The following HSP90AA1 variants were observed in gnomAD, a reference collection of about 807,000 sequenced individuals.
The protein encoded by HSP90AA1 is heat shock protein 90 alpha family class A member 1.
A neutral mutation model predicts 73.3 loss-of-function variants in HSP90AA1; 18 were observed. The observed-to-expected ratio is 0.25, with a 90% CI of 0.17 to 0.36. The LOEUF is 0.36. Among genes scored for constraint, HSP90AA1 ranks in the 10% least tolerant of loss-of-function variants. The probability of loss-of-function intolerance (pLI) is 1.00; values close to 1 mark genes in which losing one functional copy is unlikely to be tolerated. For missense variants in HSP90AA1, 704 were observed against 874.2 expected (o/e 0.81, Z 2.45); for synonymous variants, 477 against 296.9 (o/e 1.61, Z -6.24).
chr14:102,084,601 A>AT, intron 5 of HSP90AA1, 37 bp from the exon 6 acceptor site: 6 of 1,614,230 alleles, frequency 3.7e-6, no homozygotes, highest in Non-Finnish European at 5.1e-6. Flanking sequence ...CCAATGAACA[A>AT]TGCATTATAG....
chr14:102,085,080 G>T, intron 4 of HSP90AA1, 82 bp from the exon 5 acceptor site: 1 of 1,606,446 alleles, frequency 6.2e-7, no homozygotes, highest in Admixed American at 1.7e-5. Context: ...TCAACCTAAG[G>T]CCCAAGTCTA....
intron 6 of HSP90AA1, 180 bp from the exon 7 acceptor site, chr14:102,084,163 G>A (rs1021404049): frequency 4.8e-5 from 33 of 687,154 alleles, no homozygotes; most frequent in African/African-American, 7.2e-5. Flanking sequence ...TCTGCCTCCC[G>A]GGGGGGTTCA....
intron 2 of HSP90AA1, among the ~76,000 whole-genome samples, chr14:102,097,122 G>A (rs2152618168): frequency 6.6e-6 from 1 of 152,146 alleles, no homozygotes; most frequent in East Asian, 1.9e-4. Context: ...GAATAGCTGG[G>A]ATTATAGGCG....
intron 2 of HSP90AA1, among the ~76,000 whole-genome samples, chr14:102,096,223 G>C (rs1348569313): frequency 6.6e-6 from 1 of 152,178 alleles, no homozygotes; most frequent in African/African-American, 2.4e-5. Flanking sequence ...GGAGAAAAGG[G>C]AGGTAGGGGT....
chr14:102,120,499 A>T (rs983683851), intron 1 of HSP90AA1, among the ~76,000 whole-genome samples: 1 of 152,170 alleles, frequency 6.6e-6, no homozygotes, highest in African/African-American at 2.4e-5. Context: ...CTTTTGACAC[A>T]CATAAGAAAT....
At position 102,083,919 on chromosome 14, in the gene HSP90AA1, T is replaced by C. The variant is rs1204638479; in HGVS notation, c.1212A>G (p.Gln404=). ...LPLNISREML[Q]QSKILKVIRK... The stretch of plus-strand genomic sequence containing the variant: ...TGATAACTTTCAAAATTTTGCTTTG[T>C]TGCAACATCTCACGGGATATGTTTA... The change falls in exon 7 of 11, where the codon CAA becomes CAG. Residue 404 remains glutamine (Q), a synonymous_variant. Coordinates refer to ENST00000216281, the MANE Select transcript of HSP90AA1 (RefSeq NM_005348.4). 2.5e-6 allele frequency: 4 copies of C among 1,614,086 alleles called. No individual in the cohort carries two copies. Among genetic ancestry groups the C allele is most frequent in the Admixed American group, 3.3e-5 (2 of 60,014 alleles).
At chr14:102,084,271 C>T (rs577379654) in intron 6 of HSP90AA1, 128 bp downstream of exon 6, 14 of 864,724 alleles carry the variant, frequency 1.6e-5, no homozygotes, top group Non-Finnish European at 2.7e-5. Context: ...GTCTTGAACT[C>T]CTGACCTCAA....
chr14:102,086,512 G>C, intron 1 of HSP90AA1, 134 bp from the exon 2 acceptor site: 1 of 1,015,146 alleles, frequency 9.9e-7, no homozygotes, highest in Middle Eastern at 2.0e-4. Flanking sequence ...AAAATAGAAG[G>C]GCGGCTGACA....
At chr14:102,105,610 A>G (rs190014121) in intron 1 of HSP90AA1, among the ~76,000 whole-genome samples, 11 of 152,290 alleles carry the variant, frequency 7.2e-5, no homozygotes, top group African/African-American at 2.6e-4. Context: ...GAGGGCTTGC[A>G]AGGGAGACAG....
chr14:102,082,974 T>G, intron 9 of HSP90AA1, 60 bp downstream of exon 9: 4 of 1,526,940 alleles, frequency 2.6e-6, no homozygotes, highest in Non-Finnish European at 3.6e-6. Context: ...GGGCTATGTA[T>G]GACTAAGCTT....
chr14:102,085,251 A>T (rs773019168), intron 4 of HSP90AA1, 47 bp downstream of exon 4: 1 of 1,587,852 alleles, frequency 6.3e-7, no homozygotes, highest in Admixed American at 1.7e-5. Context: ...CAGTCACCCC[A>T]ATCACCTACA....
At position 102,083,283 on chromosome 14, in the gene HSP90AA1, T is replaced by A; in HGVS notation, c.1506A>T (p.Val502=). 6.2e-7 allele frequency: 1 copy of A among 1,614,220 alleles called. No individual in the cohort carries two copies. The highest frequency in any genetic ancestry group is 8.5e-7 in the Non-Finnish European group (1 of 1,180,022). The change falls in exon 9 of 11, where the codon GTA becomes GTT. Residue 502 remains valine, a synonymous_variant. Coordinates refer to ENST00000216281, the MANE Select transcript of HSP90AA1 (RefSeq NM_005348.4). ...YYITGETKDQ[V]ANSAFVERLR... is the part of the protein sequence containing the mutation. The stretch of plus-strand genomic sequence containing the variant: ...GACGTTCCACAAAGGCTGAGTTAGC[T>A]ACCTGGTCCTTGGTCTCACCTGAGG...
At chr14:102,094,527 G>A (rs1255759246) in intron 2 of HSP90AA1, among the ~76,000 whole-genome samples, 1 of 152,186 alleles carries the variant, frequency 6.6e-6, no homozygotes, top group Non-Finnish European at 1.5e-5. Flanking sequence ...TGGGGAGGGA[G>A]TGTGGGGAAG....
chr14:102,138,158 G>T (rs1437233073), intron 1 of HSP90AA1, among the ~76,000 whole-genome samples: 1 of 152,130 alleles, frequency 6.6e-6, no homozygotes, highest in Non-Finnish European at 1.5e-5. Flanking sequence ...GAAATACAAT[G>T]TTATGGTTAA....
chr14:102,085,222 A>G (rs903996453), intron 4 of HSP90AA1, 76 bp downstream of exon 4: 5 of 1,500,352 alleles, frequency 3.3e-6, no homozygotes, highest in South Asian at 1.1e-5. Context: ...GAACAGATCT[A>G]GGGACTAAGG....
chr14:102,131,088 C>T (rs139990628), intron 1 of HSP90AA1, among the ~76,000 whole-genome samples: 2 of 152,226 alleles, frequency 1.3e-5, no homozygotes, highest in Non-Finnish European at 2.9e-5. Flanking sequence ...AGACCTCTTT[C>T]CAGACTTGAT....
At chr14:102,139,343 T>C in exon 1 of HSP90AA1, 1 of 1,612,412 alleles carries the variant, frequency 6.2e-7, no homozygotes, top group Non-Finnish European at 8.5e-7. Context: ...GGCGGGACAG[T>C]CCCTGTCCCG....
intron 1 of HSP90AA1, among the ~76,000 whole-genome samples, chr14:102,126,307 G>A (rs570354229): frequency 9.2e-5 from 14 of 152,286 alleles, no homozygotes; most frequent in Admixed American, 7.2e-4. Flanking sequence ...AAGGGGACAC[G>A]TGGACATGGA....
In HSP90AA1 at chr14:102,139,120, G is replaced by T. The variant is rs142345995; in HGVS notation, c.155+130C>A. On this transcript the variant is annotated intron_variant, in intron 1 of 11. Coordinates refer to the HSP90AA1 transcript ENST00000334701. ...AAACCTCCGCTAAGAAGCGGAGGCCGCCAGTGCTCATCACACGCAGGAATT... is the reference window on the plus strand; with the variant it reads ...AAACCTCCGCTAAGAAGCGGAGGCCTCCAGTGCTCATCACACGCAGGAATT... The T allele has an allele frequency of 1.7e-3, 1,949 of 1,145,000 alleles. 5 individuals carry two copies. The highest frequency in any genetic ancestry group is 2.2e-3 in the Admixed American group (109 of 50,654). 70.9% of individuals were successfully genotyped at this position (1,145,000 alleles called of 1,614,324 possible).
Sources: allele counts gnomAD v4.1 joint callset (sites outside exome capture counted in the v4.1 genomes callset), GRCh38; gene constraint gnomAD v4.1.1; transcripts MANE v1.5; gene names NCBI Gene and HGNC (gene_info 2026-07-23, HGNC 2026-07-21).